Variants in SLC7A11 observed in about 807,000 individuals in gnomAD.
The protein encoded by SLC7A11 is solute carrier family 7 member 11.
In SLC7A11, 35 loss-of-function variants were observed where a neutral mutation model predicts 54.5. That is an observed-to-expected ratio of 0.64 (90% CI 0.49 to 0.85). SLC7A11 has a LOEUF of 0.85. Ranked by LOEUF, SLC7A11 falls within the 40% of genes least tolerant of loss-of-function variation. The pLI is 0.00. For missense variants in SLC7A11, 583 were observed against 618.1 expected (o/e 0.94, Z 0.60); for synonymous variants, 230 against 225.2 (o/e 1.02, Z -0.19).
rs1436973303 is a variant in SLC7A11 at position 138,169,697 on chromosome 4, GT to G, written c.*2258del. ...AGAAAAAGCTCAGGAAAATTTGCTT[GT>G]TTAAATTCTATGAGCCTAGTCTATG... On this transcript the variant is annotated 3_prime_UTR_variant, in exon 12 of 12. Transcript: ENST00000280612. The G allele has an allele frequency of 6.6e-6, 1 of 151,570 alleles. No individual in the cohort carries two copies. Among genetic ancestry groups the G allele is most frequent in the African/African-American group, 2.4e-5 (1 of 41,220 alleles). The allele number at this position is 151,570 out of a possible 1,614,324, so 9.4% of individuals were successfully genotyped here.
rs762689107 is a variant in SLC7A11 at position 138,223,283 on chromosome 4, C to A, written c.562G>T (p.Ala188Ser). 1.9e-5 allele frequency: 31 copies of A among 1,613,260 alleles called. No individual in the cohort carries two copies. The highest frequency in any genetic ancestry group is 1.6e-4 in the Middle Eastern group (1 of 6,084). Residue 188 changes from alanine to serine, a missense_variant, in exon 4 of 12, where the codon GCC becomes TCC. Transcript: ENST00000280612. ...AAGGTTAAGAAAATCTGGATCCGGG[C>A]GCTCCAGCTGACACTCATGCTATTT... is the stretch of plus-strand genomic sequence containing the variant. ...VLNSMSVSWS[A>S]RIQIFLTFCK...
chr4:138,190,412 C>T (rs921511285), intron 6 of SLC7A11, among the ~76,000 whole-genome samples: 1 of 151,914 alleles, frequency 6.6e-6, no homozygotes, highest in African/African-American at 2.4e-5. Flanking sequence ...TATTAAGTAC[C>T]TTTTGATTCA....
chr4:138,221,576 G>C (rs892779296), intron 4 of SLC7A11, among the ~76,000 whole-genome samples: 1 of 151,982 alleles, frequency 6.6e-6, no homozygotes, highest in African/African-American at 2.4e-5. Flanking sequence ...TGAGATCTCT[G>C]AATAAGCCTG....
chr4:138,212,001 T>C (rs1340815048), intron 6 of SLC7A11, among the ~76,000 whole-genome samples: 2 of 151,956 alleles, frequency 1.3e-5, no homozygotes. Context: ...ACATAGTATA[T>C]TTTAAATTAG....
chr4:138,231,821 T>A (rs1037896916), intron 3 of SLC7A11, among the ~76,000 whole-genome samples: 1 of 152,158 alleles, frequency 6.6e-6, no homozygotes, highest in African/African-American at 2.4e-5. Context: ...AACAGGCAGC[T>A]GACATTATAA....
At chr4:138,188,795 A>G (rs1238926656) in intron 6 of SLC7A11, among the ~76,000 whole-genome samples, 1 of 152,188 alleles carries the variant, frequency 6.6e-6, no homozygotes, top group Non-Finnish European at 1.5e-5. Context: ...CCAATCCTAA[A>G]TGCAACAAAA....
At chr4:138,228,219 GATAAA>G (rs773031346) in intron 3 of SLC7A11, among the ~76,000 whole-genome samples, 2 of 151,766 alleles carry the variant, frequency 1.3e-5, no homozygotes, top group Non-Finnish European at 2.9e-5. Flanking sequence ...ATTTTATATA[GATAAA>G]ATAAACTAGC....
At chr4:138,183,457 T>C in intron 7 of SLC7A11, 152 bp from the exon 8 acceptor site, 3 of 619,290 alleles carry the variant, frequency 4.8e-6, no homozygotes, top group South Asian at 2.0e-5. Context: ...TCAGACTAAC[T>C]CCGTAGACAA....
intron 6 of SLC7A11, among the ~76,000 whole-genome samples, chr4:138,207,650 G>A (rs1282053140): frequency 1.3e-5 from 2 of 152,124 alleles, no homozygotes; most frequent in Non-Finnish European, 2.9e-5. Flanking sequence ...GTTGCAGTGA[G>A]CCAAGATCAC....
At chr4:138,183,478 CAAGGACCATGGCATTGCTTGTTGCA>C (rs780763914) in intron 7 of SLC7A11, among the ~76,000 whole-genome samples, 173 bp from the exon 8 acceptor site, 2 of 152,066 alleles carry the variant, frequency 1.3e-5, no homozygotes, top group African/African-American at 2.4e-5. Context: ...TAATCAAAAG[CAAGGACCATGGCATTGCTTGTTGCA>C]AAACTATAGT....
chr4:138,236,321 T>G lies in SLC7A11; in HGVS notation c.404+4A>C, dbSNP rs1203770150. 17 of 1,603,584 alleles carry G rather than the reference T, an allele frequency of 1.1e-5. No homozygotes were observed. The highest frequency in any genetic ancestry group is 1.3e-5 in the Non-Finnish European group (15 of 1,176,966). The stretch of plus-strand genomic sequence containing the variant: ...TTTCTTAATTCTTTCTACTATGCTC[T>G]TACCGTATTATGAGGAGTTCCACCC... On this transcript the variant is annotated splice_donor_region_variant and intron_variant, in intron 2 of 11. Coordinates refer to ENST00000280612, the MANE Select transcript of SLC7A11 (RefSeq NM_014331.4).
rs75751607 is a variant in SLC7A11, at chr4:138,232,555, C to T, written c.405-173G>A. Reference sequence around the variant, plus strand: ...CATAGACATTCCAAATGAAGTACTTCCTGTAACACTGGTGGCTAGATTTTA... The same window carrying T: ...CATAGACATTCCAAATGAAGTACTTTCTGTAACACTGGTGGCTAGATTTTA... On this transcript the variant is annotated intron_variant, in intron 2 of 11. Coordinates refer to ENST00000280612, the MANE Select transcript of SLC7A11 (RefSeq NM_014331.4). Among the ~76,000 whole-genome samples, 134 of 152,260 alleles carry T rather than the reference C, an allele frequency of 8.8e-4. 2 individuals are homozygous for T. The highest frequency in any genetic ancestry group is 1.8e-3 in the Non-Finnish European group (121 of 68,020).
At chr4:138,191,970 A>G (rs1737023107) in intron 6 of SLC7A11, among the ~76,000 whole-genome samples, 1 of 152,168 alleles carries the variant, frequency 6.6e-6, no homozygotes, top group Non-Finnish European at 1.5e-5. Flanking sequence ...TAATAGTAAT[A>G]AATTAAATTT....
chr4:138,213,567 A>G (rs1452626793), intron 6 of SLC7A11, among the ~76,000 whole-genome samples: 1 of 127,630 alleles, frequency 7.8e-6, no homozygotes, highest in Non-Finnish European at 1.8e-5. Context: ...CTCTCCTCCC[A>G]TACCCCTCTT....
intron 10 of SLC7A11, 62 bp downstream of exon 10, chr4:138,180,579 A>C: frequency 6.5e-7 from 1 of 1,528,426 alleles, no homozygotes; most frequent in Non-Finnish European, 8.8e-7. Flanking sequence ...AAGTTATGAC[A>C]AAGGGAGGAC....
chr4:138,165,092 AAC>A lies in SLC7A11; in HGVS notation c.*6862_*6863del, dbSNP rs1560710651. 1.3e-5 allele frequency: 2 copies of A among 152,432 alleles called. No individual in the cohort carries two copies. The highest frequency in any genetic ancestry group is 4.8e-5 in the African/African-American group (2 of 41,424). The allele number at this position is 152,432 out of a possible 1,614,324, so 9.4% of individuals were successfully genotyped here. ...AATAATATGTTAACATAAACATAAC[AAC>A]ACACATATTATTTTTCTACCCCTTG... On this transcript the variant is annotated 3_prime_UTR_variant, in exon 12 of 12. Transcript: ENST00000280612.
chr4:138,190,251 A>G (rs1560722507), intron 6 of SLC7A11, among the ~76,000 whole-genome samples: 1 of 152,182 alleles, frequency 6.6e-6, no homozygotes, highest in African/African-American at 2.4e-5. Context: ...GAAAAAAAGA[A>G]AGGAGGGAAA....
At chr4:138,192,808 G>C (rs1250510463) in intron 6 of SLC7A11, among the ~76,000 whole-genome samples, 1 of 152,014 alleles carries the variant, frequency 6.6e-6, no homozygotes, top group Admixed American at 6.6e-5. Context: ...AGACCCCATT[G>C]TTTGCTATTT....
intron 1 of SLC7A11, among the ~76,000 whole-genome samples, 157 bp downstream of exon 1, chr4:138,241,636 C>T (rs1048819125): frequency 2.0e-5 from 3 of 152,158 alleles, no homozygotes; most frequent in African/African-American, 7.2e-5. Flanking sequence ...ACAGCGGATG[C>T]TGCATCTGGG....
Sources: allele counts gnomAD v4.1 joint callset (sites outside exome capture counted in the v4.1 genomes callset), GRCh38; gene constraint gnomAD v4.1.1; transcripts MANE v1.5; gene names NCBI Gene and HGNC (gene_info 2026-07-23, HGNC 2026-07-21).